Variants in QKI observed in about 807,000 individuals in gnomAD.
QKI encodes the protein QKI, KH domain containing RNA binding.
A neutral mutation model predicts 39.0 loss-of-function variants in QKI; 10 were observed. That is an observed-to-expected ratio of 0.26 (90% CI 0.16 to 0.43). QKI has a LOEUF of 0.43. QKI is among the 20% of genes least tolerant of loss of function. The probability of loss-of-function intolerance (pLI) is 1.00; values close to 1 mark genes in which losing one functional copy is unlikely to be tolerated. For synonymous variants in QKI, 204 were observed against 155.4 expected (o/e 1.31, Z -2.33); for missense variants, 218 against 428.0 (o/e 0.51, Z 4.33).
chr6:163,426,944 A>G (rs936706518), intron 1 of QKI, among the ~76,000 whole-genome samples: 1 of 152,122 alleles, frequency 6.6e-6, no homozygotes, highest in Non-Finnish European at 1.5e-5. Context: ...AATTATTACA[A>G]CTTTAGCCAT....
At chr6:163,506,818 A>G (rs1779124531) in intron 3 of QKI, among the ~76,000 whole-genome samples, 1 of 152,186 alleles carries the variant, frequency 6.6e-6, no homozygotes, top group South Asian at 2.1e-4. Context: ...TGAATTTATT[A>G]ATACTATTTT....
At position 163,576,572 on chromosome 6, in the gene QKI, T is replaced by TTG. The variant is rs762664121; in HGVS notation, c.*5866_*5867dup. ...AACATTTAAAATTTTACTGTGGAAA[T>TTG]TGTGTATATATATATATATAGTCGA... On this transcript the variant is annotated 3_prime_UTR_variant, in exon 8 of 8. Coordinates refer to ENST00000361752, the MANE Select transcript of QKI (RefSeq NM_006775.3). 6.1e-4 allele frequency: 92 copies of TTG among 150,264 alleles called. 2 individuals are homozygous for TTG. The highest frequency in any genetic ancestry group is 6.8e-3 in the Middle Eastern group (2 of 294). 9.3% of individuals were successfully genotyped at this position (150,264 alleles called of 1,614,324 possible). A position where few individuals can be genotyped will look rare whatever the true frequency, so the allele number is the denominator to read the frequency against.
chr6:163,453,160 A>T (rs1790698168), intron 1 of QKI, among the ~76,000 whole-genome samples: 1 of 150,396 alleles, frequency 6.6e-6, no homozygotes, highest in Admixed American at 6.6e-5. Context: ...TCTTCCCTAG[A>T]TTTATTATAT....
chr6:163,460,014 A>G (rs1275256244), intron 2 of QKI, among the ~76,000 whole-genome samples: 1 of 152,226 alleles, frequency 6.6e-6, no homozygotes, highest in Non-Finnish European at 1.5e-5. Flanking sequence ...TAATTTTGTC[A>G]TTAAATTTGC....
chr6:163,446,421 A>G (rs1417320927), intron 1 of QKI, among the ~76,000 whole-genome samples: 5 of 152,204 alleles, frequency 3.3e-5, no homozygotes, highest in Non-Finnish European at 5.9e-5. Flanking sequence ...GTTGTTAATA[A>G]TAATTGCTGG....
At chr6:163,563,381 G>C in intron 5 of QKI, 39 bp from the exon 6 acceptor site, 1 of 1,509,292 alleles carries the variant, frequency 6.6e-7, no homozygotes, top group African/African-American at 1.4e-5. Context: ...TTATACTGCT[G>C]TCTCTATACT....
chr6:163,426,191 A>G (rs1012220535), intron 1 of QKI, among the ~76,000 whole-genome samples: 4 of 152,034 alleles, frequency 2.6e-5, no homozygotes, highest in Admixed American at 6.5e-5. Context: ...AATCTTACTC[A>G]ATACTGCTCA....
At chr6:163,506,698 C>T (rs941856383) in intron 3 of QKI, among the ~76,000 whole-genome samples, 1 of 152,136 alleles carries the variant, frequency 6.6e-6, no homozygotes, top group African/African-American at 2.4e-5. Context: ...CTTATCTTAA[C>T]CACTATAATG....
Position 163,572,044 on chromosome 6 carries a change from C to A in QKI, c.*1334C>A, listed in dbSNP as rs1405833274. The A allele has an allele frequency of 6.6e-6, 1 of 152,110 alleles. No individual in the cohort carries two copies. Among genetic ancestry groups the A allele is most frequent in the Non-Finnish European group, 1.5e-5 (1 of 67,996 alleles). 9.4% of individuals were successfully genotyped at this position (152,110 alleles called of 1,614,324 possible). A position where few individuals can be genotyped will look rare whatever the true frequency, so the allele number is the denominator to read the frequency against. On this transcript the variant is annotated 3_prime_UTR_variant, in exon 8 of 8. Coordinates refer to ENST00000361752, the MANE Select transcript of QKI (RefSeq NM_006775.3). ...GCCACGTTACCTTGATGCAAATTTG[C>A]CAAATCTGATACTGTGAAAAGATTT...
At chr6:163,449,285 C>A (rs970144065) in intron 1 of QKI, among the ~76,000 whole-genome samples, 1 of 152,100 alleles carries the variant, frequency 6.6e-6, no homozygotes, top group African/African-American at 2.4e-5. Flanking sequence ...TGTCGTTTTA[C>A]TGACAACTAA....
At chr6:163,501,770 A>G (rs984492998) in intron 3 of QKI, among the ~76,000 whole-genome samples, 9 of 152,230 alleles carry the variant, frequency 5.9e-5, no homozygotes, top group Non-Finnish European at 1.3e-4. Context: ...TGTGATACAG[A>G]AAGTAGTGGT....
chr6:163,471,633 C>A (rs1371432164), intron 2 of QKI, among the ~76,000 whole-genome samples: 1 of 151,964 alleles, frequency 6.6e-6, no homozygotes, highest in African/African-American at 2.4e-5. Context: ...CTAGGGTGAA[C>A]AAGCATATAA....
intron 2 of QKI, among the ~76,000 whole-genome samples, chr6:163,465,448 G>C (rs1791663934): frequency 6.6e-6 from 1 of 151,782 alleles, no homozygotes; most frequent in Non-Finnish European, 1.5e-5. Context: ...TGGCCAACAT[G>C]AAACCCTGTC....
chr6:163,436,114 C>T (rs1789249510), intron 1 of QKI, among the ~76,000 whole-genome samples: 1 of 152,112 alleles, frequency 6.6e-6, no homozygotes, highest in Admixed American at 6.5e-5. Context: ...TGTCCAAGTT[C>T]AGAGAATTAT....
At chr6:163,514,545 A>C (rs891083267) in intron 3 of QKI, among the ~76,000 whole-genome samples, 1 of 152,276 alleles carries the variant, frequency 6.6e-6, no homozygotes, top group African/African-American at 2.4e-5. Flanking sequence ...CTTTCAGAGC[A>C]TTTAATTCTT....
At chr6:163,569,488 A>C (rs1287359128) in intron 7 of QKI, 1 of 1,274,114 alleles carries the variant, frequency 7.8e-7, no homozygotes, top group African/African-American at 1.5e-5. Flanking sequence ...AATATAGTAG[A>C]AATAATTAAG....
chr6:163,468,332 CT>C (rs1191282409), intron 2 of QKI, among the ~76,000 whole-genome samples: 1 of 152,178 alleles, frequency 6.6e-6, no homozygotes, highest in Non-Finnish European at 1.5e-5. Context: ...AACTTGGTCT[CT>C]CCCCTTGTCC....
rs182400401 is a variant in QKI, at chr6:163,525,504, G to A, written c.403-9478G>A. 1.5e-4 allele frequency among the ~76,000 whole-genome samples: 23 copies of A among 151,928 alleles called. No homozygotes were observed. The East Asian group carries it at 4.5e-3, about 29-fold the overall frequency. ...CTCCTGAGTACCTGGGATTACAGGC[G>A]CCTGCCACCACACCTGGCTAATTTT... On this transcript the variant is annotated intron_variant, in intron 3 of 7. Transcript: ENST00000361752.
chr6:163,558,054 T>A (rs923196162), intron 4 of QKI, among the ~76,000 whole-genome samples: 1 of 152,202 alleles, frequency 6.6e-6, no homozygotes, highest in Non-Finnish European at 1.5e-5. Context: ...AGTTGCTCAT[T>A]CCCGATCAAG....
Sources: gnomAD v4.1 joint callset for allele counts (sites outside exome capture counted in the v4.1 genomes callset) on GRCh38, gnomAD v4.1.1 for gene constraint, MANE v1.5 for transcripts, NCBI Gene and HGNC (gene_info 2026-07-23, HGNC 2026-07-21) for gene names.